The following ADCY3 variants were observed in gnomAD, a reference collection of about 807,000 sequenced individuals.
ADCY3 encodes adenylate cyclase 3.
In ADCY3, 70 loss-of-function variants were observed where a neutral mutation model predicts 119.4. The ratio of observed to expected loss-of-function variants is 0.59; its 90% CI spans 0.48 to 0.72. ADCY3 has a LOEUF of 0.72. Ranked by LOEUF, ADCY3 falls within the 30% of genes least tolerant of loss-of-function variation. The pLI is 0.00. For missense variants in ADCY3, 1,238 were observed against 1,541.6 expected, an observed-to-expected ratio of 0.80 and a Z score of 3.30; for synonymous variants, 672 against 621.4, an observed-to-expected ratio of 1.08 and a Z score of -1.21.
intron 3 of ADCY3, among the ~76,000 whole-genome samples, chr2:24,871,094 T>C (rs912388999): frequency 4.0e-5 from 6 of 150,180 alleles, no homozygotes; most frequent in Non-Finnish European, 8.8e-5. Flanking sequence ...GCAAATGTTA[T>C]ATAAAAAGAA....
At chr2:24,907,058 G>C (rs900070472) in intron 2 of ADCY3, among the ~76,000 whole-genome samples, 1 of 152,122 alleles carries the variant, frequency 6.6e-6, no homozygotes, top group African/African-American at 2.4e-5. Flanking sequence ...TTAAACCCAG[G>C]AGGCGGAGGT....
At position 24,842,388 on chromosome 2, in the gene ADCY3, T is replaced by A; in HGVS notation, c.826-4A>T. 1 of 1,614,032 alleles carries A rather than the reference T, an allele frequency of 6.2e-7. No homozygotes were observed. The highest frequency in any genetic ancestry group is 8.5e-7 in the Non-Finnish European group (1 of 1,179,984). On this transcript the variant is annotated splice_region_variant and splice_polypyrimidine_tract_variant and intron_variant, in intron 3 of 21. Transcript: ENST00000679454. This position sits in a 1 kb window ranked among gnomAD's most constrained non-coding sequence, Gnocchi z 4.9. ...GGATGGAAAGCATGAGGTTCTCCTG[T>A]GAGGGGCAGGAGAGGGTCAGAGGCA...
At chr2:24,837,168 G>A in intron 8 of ADCY3, 123 bp from the exon 9 acceptor site, 2 of 1,170,184 alleles carry the variant, frequency 1.7e-6, no homozygotes, top group Non-Finnish European at 2.4e-6. Flanking sequence ...CACAGAACTT[G>A]CTTGTGGATT....
At chr2:24,866,996 A>C (rs1440597743) in intron 3 of ADCY3, among the ~76,000 whole-genome samples, 1 of 152,222 alleles carries the variant, frequency 6.6e-6, no homozygotes, top group Non-Finnish European at 1.5e-5. Flanking sequence ...AGCGAATGGG[A>C]AGAAGCAATA....
intron 17 of ADCY3, among the ~76,000 whole-genome samples, chr2:24,824,109 C>G (rs966210446): frequency 6.6e-6 from 1 of 152,274 alleles, no homozygotes; most frequent in Non-Finnish European, 1.5e-5. Flanking sequence ...TCACAGGCAA[C>G]AGAAAGGTGG....
intron 17 of ADCY3, 21 bp from the exon 18 acceptor site, chr2:24,823,376 C>T (rs754749699): frequency 3.1e-6 from 5 of 1,608,492 alleles, no homozygotes; most frequent in Admixed American, 3.4e-5. Flanking sequence ...GTGCGGACAA[C>T]GTGCTCAAAG....
rs767628287 is a variant in ADCY3 at position 24,831,692 on chromosome 2, G to A, written c.2025C>T (p.Thr675=). ...MVGEILLLIL[T]ICSLAAIFPR... is the part of the protein sequence containing the mutation. ...GAAAGATGGCAGCCAGGGAGCAGAT[G>A]GTCAGGATGAGGAGCAGAATCTCCC... Residue 675 remains threonine (T), a synonymous_variant, in exon 12 of 22, where the codon ACC becomes ACT. Coordinates refer to ENST00000679454, the MANE Select transcript of ADCY3 (RefSeq NM_004036.5). 25 of 1,613,962 alleles carry A rather than the reference G, an allele frequency of 1.5e-5. No homozygotes were observed. Among genetic ancestry groups the A allele is most frequent in the African/African-American group, 4.0e-5 (3 of 74,934 alleles).
intron 15 of ADCY3, 44 bp from the exon 16 acceptor site, chr2:24,826,170 TC>T (rs1332148346): frequency 6.4e-7 from 1 of 1,557,744 alleles, no homozygotes; most frequent in Non-Finnish European, 8.8e-7. Context: ...GTCATCTGCC[TC>T]CTGGAGGGGG....
intron 3 of ADCY3, among the ~76,000 whole-genome samples, chr2:24,871,749 C>T (rs1194250881): frequency 1.3e-5 from 2 of 152,220 alleles, no homozygotes; most frequent in Non-Finnish European, 2.9e-5. Context: ...GGGGAAATAA[C>T]CCTATGGATA....
Position 24,872,062 on chromosome 2 carries a change from C to G in ADCY3, c.825+508G>C, listed in dbSNP as rs1333908757. On this transcript the variant is annotated intron_variant, in intron 3 of 21. Transcript: ENST00000679454. This position sits in a 1 kb window ranked among gnomAD's most constrained non-coding sequence, Gnocchi z 4.4. ...GGGGTGTGAGGCTGACACACTTCAC[C>G]CAGCAGGGCCCTGAGGCCGCAGGAT... 6.6e-6 allele frequency among the ~76,000 whole-genome samples: 1 copy of G among 152,156 alleles called. No homozygotes were observed. The highest frequency in any genetic ancestry group is 1.5e-5 in the Non-Finnish European group (1 of 68,030).
Position 24,842,507 on chromosome 2 carries a change from C to T in ADCY3, c.826-123G>A. 7.8e-7 allele frequency: 1 copy of T among 1,281,428 alleles called. No individual in the cohort carries two copies. The highest frequency in any genetic ancestry group is 1.1e-6 in the Non-Finnish European group (1 of 928,130). The allele number at this position is 1,281,428 out of a possible 1,614,324, so 79.4% of individuals were successfully genotyped here. On this transcript the variant is annotated intron_variant, in intron 3 of 21. Coordinates refer to ENST00000679454, the MANE Select transcript of ADCY3 (RefSeq NM_004036.5). This position sits in a 1 kb window ranked among gnomAD's most constrained non-coding sequence, Gnocchi z 4.9. ...GTGAGCAGGGAACCATGCTGCCCTC[C>T]AGAGAGACCTCACAGATCTGCCTCG...
Position 24,830,729 on chromosome 2 carries a change from T to C in ADCY3, c.2152A>G (p.Met718Val), listed in dbSNP as rs1190267189. 1 of 1,614,004 alleles carries C rather than the reference T, an allele frequency of 6.2e-7. No individual in the cohort carries two copies. Among genetic ancestry groups the C allele is most frequent in the East Asian group, 2.2e-5 (1 of 44,880 alleles). The change falls in exon 13 of 22, where the codon ATG (methionine) becomes GTG (valine). Residue 718 changes from methionine (M) to valine (V), a missense_variant. Physicochemically the swap from Met to Val is conservative, Grantham distance 21. This residue lies in a region of ADCY3 where 499 missense variants were observed against 571.0 expected (regional missense o/e 0.87). Coordinates refer to ENST00000679454, the MANE Select transcript of ADCY3 (RefSeq NM_004036.5). ...CTCACCATGTCCACGACATTTGCCATCACCAGGATGAAGATGGCGAGCATG... is the reference window on the plus strand; with the variant it reads ...CTCACCATGTCCACGACATTTGCCACCACCAGGATGAAGATGGCGAGCATG... ...WAMLAIFILV[M>V]ANVVDMLSCL...
Position 24,826,092 on chromosome 2 carries a change from C to T in ADCY3, c.2530G>A (p.Val844Met), listed in dbSNP as rs1182104583. Residue 844 changes from valine to methionine, a missense_variant, in exon 16 of 22, where the codon GTG becomes ATG. By Grantham distance (21) the Val-to-Met change is conservative (BLOSUM62 1). Coordinates refer to ENST00000679454, the MANE Select transcript of ADCY3 (RefSeq NM_004036.5). Reference protein sequence around the residue: ...PLVPSKYSMTVMVFLMMLSFY... With the variant: ...PLVPSKYSMTMMVFLMMLSFY... ...CTGAGCATCATGAGGAACACCATCA[C>T]CGTCATAGAGTACTTGGAAGGCACC... 23 of 1,614,118 alleles carry T rather than the reference C, an allele frequency of 1.4e-5. 1 individual carries two copies. In the East Asian group the frequency reaches 5.1e-4, roughly 36 times the overall value.
chr2:24,887,890 T>C (rs775573749), intron 2 of ADCY3, among the ~76,000 whole-genome samples: 2 of 152,124 alleles, frequency 1.3e-5, no homozygotes, highest in Admixed American at 1.3e-4. Context: ...ACACAATACA[T>C]CTAAGTGTTA....
chr2:24,852,510 G>A (rs1199989347), intron 3 of ADCY3, among the ~76,000 whole-genome samples: 1 of 152,200 alleles, frequency 6.6e-6, no homozygotes, highest in African/African-American at 2.4e-5. Flanking sequence ...ACTGCCCTGT[G>A]CTACTCCTCA....
Position 24,834,353 on chromosome 2 carries a change from C to A in ADCY3, c.1967+132G>T. The A allele has an allele frequency of 8.7e-7, 1 of 1,152,196 alleles. No individual in the cohort carries two copies. Among genetic ancestry groups the A allele is most frequent in the Non-Finnish European group, 1.2e-6 (1 of 832,976 alleles). 71.4% of individuals were successfully genotyped at this position (1,152,196 alleles called of 1,614,324 possible). ...ACTCCTGGGGCCTGTGGGGGCCGTC[C>A]CAGTGGGGGTCAGGGAGCAGAGACT... On this transcript the variant is annotated intron_variant, in intron 11 of 21. Transcript: ENST00000679454. The surrounding 1 kb of genome is among the most constrained non-coding windows in gnomAD (Gnocchi z 4.2).
At chr2:24,870,048 T>C (rs1352130417) in intron 3 of ADCY3, among the ~76,000 whole-genome samples, 1 of 151,798 alleles carries the variant, frequency 6.6e-6, no homozygotes, top group Admixed American at 6.6e-5. Flanking sequence ...CGGTGGCTCA[T>C]GCCTGTAACC....
chr2:24,912,366 G>C (rs938802077), intron 2 of ADCY3, among the ~76,000 whole-genome samples: 1 of 151,926 alleles, frequency 6.6e-6, no homozygotes, highest in South Asian at 2.1e-4. Context: ...GTAATTTGGT[G>C]GGGGGGCAGC....
rs1415556074 is a variant in ADCY3 at position 24,826,117 on chromosome 2, C to A, written c.2505G>T (p.Leu835=). Residue 835 remains leucine (L), a synonymous_variant, in exon 16 of 22, where the codon CTG becomes CTT. Transcript: ENST00000679454. ...PGLNGTDRLP[L]VPSKYSMTVM... The stretch of plus-strand genomic sequence containing the variant: ...CCGTCATAGAGTACTTGGAAGGCAC[C>A]AGGGGCAGCCTGCTGGGCAGAGCGT... 6.2e-7 allele frequency: 1 copy of A among 1,613,892 alleles called. No individual in the cohort carries two copies. The highest frequency in any genetic ancestry group is 8.5e-7 in the Non-Finnish European group (1 of 1,179,956).
Sources: allele counts gnomAD v4.1 joint callset (sites outside exome capture counted in the v4.1 genomes callset), GRCh38; gene constraint gnomAD v4.1.1; regional missense constraint gnomAD v4.1.1; non-coding constraint Gnocchi (gnomAD v3.1); transcripts MANE v1.5; gene names NCBI Gene and HGNC (gene_info 2026-07-23, HGNC 2026-07-21).